TEAD1: variants seen among roughly 807,000 people sequenced by gnomAD.
The protein encoded by TEAD1 is transcriptional enhancer factor TEF-1.
In TEAD1, 9 loss-of-function variants were observed where a neutral mutation model predicts 54.9. The ratio of observed to expected loss-of-function variants is 0.16; its 90% CI spans 0.10 to 0.29. The LOEUF is 0.29. Ranked by LOEUF, TEAD1 falls within the 10% of genes least tolerant of loss-of-function variation. The pLI, the probability that TEAD1 is intolerant of heterozygous loss-of-function variation, is 1.00. For synonymous variants in TEAD1, 200 were observed against 187.8 expected, an observed-to-expected ratio of 1.07 and a Z score of -0.53; for missense variants, 387 against 535.9, an observed-to-expected ratio of 0.72 and a Z score of 2.74.
chr11:12,688,787 ACCCAC>A (rs1943389576), intron 2 of TEAD1, among the ~76,000 whole-genome samples: 1 of 152,168 alleles, frequency 6.6e-6, no homozygotes, highest in African/African-American at 2.4e-5. Context: ...ATAGCGAATG[ACCCAC>A]TGTCAGCCTC....
At chr11:12,736,243 G>A (rs1379017147) in intron 2 of TEAD1, among the ~76,000 whole-genome samples, 3 of 152,106 alleles carry the variant, frequency 2.0e-5, no homozygotes, top group Non-Finnish European at 4.4e-5. Context: ...ACTGGAATAT[G>A]TGGACATGTG....
In TEAD1 at chr11:12,674,585, C is replaced by T. The variant is rs1164056558; in HGVS notation, c.-457C>T. 2.0e-5 allele frequency: 3 copies of T among 150,964 alleles called. No individual in the cohort carries two copies. The highest frequency in any genetic ancestry group is 4.4e-5 in the Non-Finnish European group (3 of 67,788). The allele number at this position is 150,964 out of a possible 1,614,324, so 9.4% of individuals were successfully genotyped here. A position where few individuals can be genotyped will look rare whatever the true frequency, so the allele number is the denominator to read the frequency against. On this transcript the variant is annotated 5_prime_UTR_variant, in exon 1 of 13. Coordinates refer to ENST00000527636, the MANE Select transcript of TEAD1 (RefSeq NM_021961.6). ...CATTCCGCGCGGCGGGGCCCGGGCC[C>T]GGGGCGGCCGCGTCCAGGCACAGGC...
intron 3 of TEAD1, among the ~76,000 whole-genome samples, chr11:12,787,834 TAAATA>T (rs1323443143): frequency 6.6e-6 from 1 of 152,222 alleles, no homozygotes; most frequent in Non-Finnish European, 1.5e-5. Context: ...GGCTTGTAAG[TAAATA>T]AAATTATTTT....
At chr11:12,865,095 G>C (rs1459480850) in intron 5 of TEAD1, 195 bp downstream of exon 5, 1 of 678,154 alleles carries the variant, frequency 1.5e-6, no homozygotes. Context: ...GTGTGAGCGC[G>C]TGTGTGTGTT....
intron 2 of TEAD1, among the ~76,000 whole-genome samples, chr11:12,760,861 A>T (rs74635652): frequency 0.072 from 10,922 of 152,078 alleles, 1,258 homozygotes; most frequent in African/African-American, 0.25. Flanking sequence ...TATGGGGAGC[A>T]TTTCTCAGCC....
At chr11:12,842,127 T>A (rs1427226222) in intron 3 of TEAD1, among the ~76,000 whole-genome samples, 1 of 152,212 alleles carries the variant, frequency 6.6e-6, no homozygotes, top group Non-Finnish European at 1.5e-5. Context: ...ATTATAATGA[T>A]ATATAGCTTG....
intron 2 of TEAD1, among the ~76,000 whole-genome samples, chr11:12,735,009 C>G (rs1188382556): frequency 2.0e-5 from 3 of 152,118 alleles, no homozygotes; most frequent in African/African-American, 7.2e-5. Context: ...TTGTGTTGAT[C>G]AAGTGTTACT....
At chr11:12,802,171 CA>C (rs1382496790) in intron 3 of TEAD1, among the ~76,000 whole-genome samples, 1 of 152,184 alleles carries the variant, frequency 6.6e-6, no homozygotes, top group East Asian at 1.9e-4. Flanking sequence ...AGCCTCAGGG[CA>C]CCTACTTAGC....
At chr11:12,804,025 G>C (rs902463237) in intron 3 of TEAD1, among the ~76,000 whole-genome samples, 1 of 152,204 alleles carries the variant, frequency 6.6e-6, no homozygotes, top group South Asian at 2.1e-4. Context: ...AGATGCCTAA[G>C]TATGTCTCAG....
chr11:12,703,577 C>G (rs952343401), intron 2 of TEAD1, among the ~76,000 whole-genome samples: 1 of 152,220 alleles, frequency 6.6e-6, no homozygotes, highest in African/African-American at 2.4e-5. Flanking sequence ...TGTCTTACAG[C>G]CACTTTCACC....
chr11:12,725,587 A>G (rs1231032257), intron 2 of TEAD1, among the ~76,000 whole-genome samples: 3 of 150,238 alleles, frequency 2.0e-5, no homozygotes, highest in Non-Finnish European at 4.4e-5. Context: ...GCACCTCATA[A>G]ATACGTAAAG....
chr11:12,881,029 G>A lies in TEAD1; in HGVS notation c.490G>A (p.Gly164Arg). 6.2e-7 allele frequency: 1 copy of A among 1,614,202 alleles called. No homozygotes were observed. Among genetic ancestry groups the A allele is most frequent in the Non-Finnish European group, 8.5e-7 (1 of 1,180,044 alleles). Residue 164 changes from glycine (G) to arginine (R), a missense_variant, in exon 7 of 13, where the codon GGG becomes AGG. Physicochemically the swap from Gly to Arg is moderately radical, Grantham distance 125. Transcript: ENST00000527636. ...GTTCTGGCCGGGAATGATTCAAACAGGGCAGCCAGGATCCTCACAAGAGTA... is the reference window on the plus strand; with the variant it reads ...GTTCTGGCCGGGAATGATTCAAACAAGGCAGCCAGGATCCTCACAAGAGTA...
At chr11:12,722,937 A>T (rs956851766) in intron 2 of TEAD1, among the ~76,000 whole-genome samples, 1 of 152,018 alleles carries the variant, frequency 6.6e-6, no homozygotes, top group Non-Finnish European at 1.5e-5. Context: ...CCACAGGCTG[A>T]ATTTACTTAA....
chr11:12,830,436 T>A (rs1473813004), intron 3 of TEAD1, among the ~76,000 whole-genome samples: 1 of 152,066 alleles, frequency 6.6e-6, no homozygotes, highest in South Asian at 2.1e-4. Flanking sequence ...TCCTACCAGC[T>A]CCTGAAGGGT....
In TEAD1 at chr11:12,937,357, C is replaced by T. The variant is rs866882897; in HGVS notation, c.*135C>T. On this transcript the variant is annotated 3_prime_UTR_variant, in exon 13 of 13. Transcript: ENST00000527636. Reference sequence around the variant, plus strand: ...TGGTGCCCTGGCCCCGAGGTCACCCCGACTTTTCTAAATCTTGTTTGAGTG... The same window carrying T: ...TGGTGCCCTGGCCCCGAGGTCACCCTGACTTTTCTAAATCTTGTTTGAGTG... 48 of 670,436 alleles carry T rather than the reference C, an allele frequency of 7.2e-5. 1 individual carries two copies. The Middle Eastern group carries it at 5.0e-3, about 69-fold the overall frequency. The allele number at this position is 670,436 out of a possible 1,614,324, so 41.5% of individuals were successfully genotyped here. A position where few individuals can be genotyped will look rare whatever the true frequency, so the allele number is the denominator to read the frequency against.
chr11:12,735,173 G>GT (rs1487889975), intron 2 of TEAD1, among the ~76,000 whole-genome samples: 2 of 152,144 alleles, frequency 1.3e-5, no homozygotes, highest in Non-Finnish European at 2.9e-5. Context: ...CTTTAAAAAT[G>GT]TTTTTTCCGG....
chr11:12,841,951 C>G (rs1289627921), intron 3 of TEAD1, among the ~76,000 whole-genome samples: 1 of 152,162 alleles, frequency 6.6e-6, no homozygotes, highest in African/African-American at 2.4e-5. Flanking sequence ...ATCGTGACCT[C>G]TCCTATAAAC....
At chr11:12,759,197 G>A (rs372952788) in intron 2 of TEAD1, among the ~76,000 whole-genome samples, 7 of 152,288 alleles carry the variant, frequency 4.6e-5, no homozygotes, top group African/African-American at 1.7e-4. Context: ...AAGATGAAGG[G>A]AGCAGCAAAT....
chr11:12,880,277 A>G (rs1351081349), intron 6 of TEAD1, among the ~76,000 whole-genome samples: 3 of 152,166 alleles, frequency 2.0e-5, no homozygotes, highest in Non-Finnish European at 4.4e-5. Flanking sequence ...TTACATTTTG[A>G]CACCTACCAA....
Sources: gnomAD v4.1 joint callset for allele counts (sites outside exome capture counted in the v4.1 genomes callset) on GRCh38, gnomAD v4.1.1 for gene constraint, MANE v1.5 for transcripts, NCBI Gene and HGNC (gene_info 2026-07-23, HGNC 2026-07-21) for gene names.